The following SPOCD1 variants were observed in gnomAD, a reference collection of about 807,000 sequenced individuals.
The protein encoded by SPOCD1 is SPOC domain-containing protein 1.
Under a neutral mutation model 92.2 loss-of-function variants are expected in SPOCD1, and 64 were observed. That is an observed-to-expected ratio of 0.69 (90% CI 0.57 to 0.86). The LOEUF (loss-of-function observed/expected upper bound fraction) is 0.86. SPOCD1 is among the 40% of genes least tolerant of loss of function. The pLI is 0.00. For synonymous variants in SPOCD1, 578 were observed against 619.3 expected, an observed-to-expected ratio of 0.93 and a Z score of 0.99; for missense variants, 1,360 against 1,543.1, an observed-to-expected ratio of 0.88 and a Z score of 1.99.
rs2149107902 is a variant in SPOCD1, at chr1:31,801,668, C to G, written c.1421G>C (p.Cys474Ser). Reference protein sequence around the residue: ...VKIPHGVKLVCYLGSGPVIQL... With the variant: ...VKIPHGVKLVSYLGSGPVIQL... ...TAATAAAATGTAAAAACCTACGTAG[C>G]ACACAAGCTTCACTCCATGGGGTAT... The change falls in exon 3 of 16, where the codon TGC becomes TCC. Residue 474 changes from cysteine to serine, a missense_variant. Around this residue, in one of 3 missense-constraint regions of SPOCD1, gnomAD observed 606 missense variants for 601.5 expected, o/e 1.01. Coordinates refer to ENST00000360482, the MANE Select transcript of SPOCD1 (RefSeq NM_144569.7). The G allele has an allele frequency of 6.2e-7, 1 of 1,613,812 alleles. No homozygotes were observed. The highest frequency in any genetic ancestry group is 1.3e-5 in the African/African-American group (1 of 75,032).
chr1:31,815,334 G>A lies in SPOCD1; in HGVS notation c.-1C>T, dbSNP rs1649494352. 4 of 1,533,486 alleles carry A rather than the reference G, an allele frequency of 2.6e-6. No homozygotes were observed. The highest frequency in any genetic ancestry group is 2.8e-5 in the African/African-American group (2 of 72,470). 95.0% of individuals were successfully genotyped at this position (1,533,486 alleles called of 1,614,324 possible). A position where few individuals can be genotyped will look rare whatever the true frequency, so the allele number is the denominator to read the frequency against. On this transcript the variant is annotated 5_prime_UTR_variant, in exon 2 of 16. Transcript: ENST00000360482. ...CTTCTACGTCCCCCGCCTGGGACAT[G>A]TCTGTCCACCTACCTGGGCCAAAAG...
At chr1:31,802,353 G>GTA (rs1235146026) in intron 2 of SPOCD1, among the ~76,000 whole-genome samples, 1 of 152,138 alleles carries the variant, frequency 6.6e-6, no homozygotes, top group Non-Finnish European at 1.5e-5. Flanking sequence ...ACACCATGAG[G>GTA]TATATACTAT....
intron 15 of SPOCD1, 130 bp from the exon 16 acceptor site, chr1:31,791,421 G>A (rs1385964777): frequency 2.0e-5 from 14 of 711,862 alleles, no homozygotes; most frequent in Admixed American, 3.6e-5. Context: ...GGGCTGTCTC[G>A]GAAGATTTGA....
At chr1:31,795,344 CAT>C (rs1647929097) in intron 10 of SPOCD1, 1 of 152,252 alleles carries the variant, frequency 6.6e-6, no homozygotes, top group Non-Finnish European at 1.5e-5. Context: ...CCCCACTGCA[CAT>C]ATGTGACCTT....
At chr1:31,808,015 G>C (rs1382754346) in intron 2 of SPOCD1, among the ~76,000 whole-genome samples, 1 of 152,158 alleles carries the variant, frequency 6.6e-6, no homozygotes, top group Non-Finnish European at 1.5e-5. Context: ...CTTCCCTAAA[G>C]AGAACATCAG....
rs757344690 is a variant in SPOCD1 at position 31,814,193 on chromosome 1, C to T, written c.1141G>A (p.Ala381Thr). 8.3e-5 allele frequency: 130 copies of T among 1,569,540 alleles called. No homozygotes were observed. In the Middle Eastern group the frequency reaches 1.2e-3, roughly 15 times the overall value. ...ASRGRLEQGL[A>T]APADTCASSR... ...CTGGCACAGGTGTCAGCGGGGGCAG[C>T]GAGTCCTTGCTCCAGCCTTCCCCTG... The change falls in exon 2 of 16, where the codon GCT (alanine) becomes ACT (threonine). Residue 381 changes from alanine to threonine, a missense_variant. Ala to Thr is a moderately conservative substitution (Grantham distance 58, BLOSUM62 0). This residue lies in a region of SPOCD1 where 606 missense variants were observed against 601.5 expected (regional missense o/e 1.01). Transcript: ENST00000360482. The surrounding 1 kb of genome is among the most constrained non-coding windows in gnomAD (Gnocchi z 4.2).
Position 31,793,307 on chromosome 1 carries a change from C to T in SPOCD1, c.2656G>A (p.Val886Ile), listed in dbSNP as rs1330218020. 1 of 1,593,216 alleles carries T rather than the reference C, an allele frequency of 6.3e-7. No homozygotes were observed. The highest frequency in any genetic ancestry group is 2.3e-5 in the East Asian group (1 of 43,968). ...ACAAGCCGACAGCTGTGTCCCGAGA[C>T]CAGCTGGGCCCTGGCCCGGAACCGC... ...IKRFRARAQL[V>I]SGHSCRLVQA... Residue 886 changes from valine to isoleucine, a missense_variant, in exon 13 of 16, where the codon GTC becomes ATC. Around this residue, in one of 3 missense-constraint regions of SPOCD1, gnomAD observed 614 missense variants for 757.8 expected, o/e 0.81. Coordinates refer to ENST00000360482, the MANE Select transcript of SPOCD1 (RefSeq NM_144569.7).
chr1:31,793,410 G>T lies in SPOCD1; in HGVS notation c.2553C>A (p.Leu851=), dbSNP rs1647757168. Residue 851 remains leucine, a synonymous_variant, in exon 13 of 16, where the codon CTC becomes CTA. Coordinates refer to ENST00000360482, the MANE Select transcript of SPOCD1 (RefSeq NM_144569.7). ...EPQDRVPPSG[L]HVPAAPTKAL... Reference sequence around the variant, plus strand: ...CCTTTGTGGGTGCAGCAGGCACATGGAGCCCAGATGGAGGGACCCTAGAGG... The same window carrying T: ...CCTTTGTGGGTGCAGCAGGCACATGTAGCCCAGATGGAGGGACCCTAGAGG... 6.3e-7 allele frequency: 1 copy of T among 1,591,712 alleles called. No homozygotes were observed. The highest frequency in any genetic ancestry group is 1.3e-5 in the African/African-American group (1 of 74,502).
chr1:31,798,163 G>T lies in SPOCD1; in HGVS notation c.2145+44C>A. On this transcript the variant is annotated intron_variant, in intron 9 of 15. Transcript: ENST00000360482. This position sits in a 1 kb window ranked among gnomAD's most constrained non-coding sequence, Gnocchi z 4.1. ...CTTCCACTCTCAGGCCACCCACTCT[G>T]CCCCTACATCCCCTCACCCATCCCG... The T allele has an allele frequency of 6.9e-7, 1 of 1,443,738 alleles. No individual in the cohort carries two copies. The highest frequency in any genetic ancestry group is 9.8e-7 in the Non-Finnish European group (1 of 1,025,130). The allele number at this position is 1,443,738 out of a possible 1,614,324, so 89.4% of individuals were successfully genotyped here.
At chr1:31,804,473 G>T (rs568605924) in intron 2 of SPOCD1, among the ~76,000 whole-genome samples, 1 of 152,076 alleles carries the variant, frequency 6.6e-6, no homozygotes, top group African/African-American at 2.4e-5. Flanking sequence ...ATAATGAAAA[G>T]CAAAACATAA....
chr1:31,797,533 T>C (rs551376663), intron 9 of SPOCD1, among the ~76,000 whole-genome samples: 23 of 152,380 alleles, frequency 1.5e-4, no homozygotes, highest in Admixed American at 4.6e-4. Context: ...GCTCAGCCTA[T>C]AGTGGACAGA....
At chr1:31,796,559 T>C (rs750000196) in intron 10 of SPOCD1, 31 bp downstream of exon 10, 6 of 1,614,124 alleles carry the variant, frequency 3.7e-6, no homozygotes, top group Admixed American at 1.7e-5. Context: ...GCATGGGCTC[T>C]GCCCAGCACC....
intron 2 of SPOCD1, among the ~76,000 whole-genome samples, chr1:31,813,264 C>CT (rs372279377): frequency 1.4e-4 from 21 of 152,102 alleles, no homozygotes; most frequent in African/African-American, 4.3e-4. Context: ...TGCTAGGCAC[C>CT]TTTTTTTTGT....
In SPOCD1 at chr1:31,793,824, T is replaced by C. The variant is rs1253927669; in HGVS notation, c.2457A>G (p.Lys819=). The C allele has an allele frequency of 6.2e-7, 1 of 1,614,218 alleles. No individual in the cohort carries two copies. The change falls in exon 12 of 16, where the codon AAA becomes AAG. Residue 819 remains lysine (K), a synonymous_variant. Coordinates refer to ENST00000360482, the MANE Select transcript of SPOCD1 (RefSeq NM_144569.7). ...AKSCGDNIFQ[K]ALSQTPMPAP... ...CAGGCATAGGAGTTTGGCTTAGGGC[T>C]TTCTGGAAGATATTGTCCCCGCAGC...
intron 2 of SPOCD1, among the ~76,000 whole-genome samples, chr1:31,804,950 ATTTGTGC>A (rs1407959672): frequency 7.0e-6 from 1 of 143,800 alleles, no homozygotes; most frequent in Non-Finnish European, 1.5e-5. Context: ...TAAGTTAGTT[ATTTGTGC>A]TCAAATTTCT....
rs769986888 is a variant in SPOCD1 at position 31,790,972 on chromosome 1, C to T, written c.3282G>A (p.Gly1094=). ...AGTTTTCAGGCTCTGGCCAGAGCCT[C>T]CCCCTGCCTCTGGGGGGCCTCTGCC... ...SAWQRPPRGR[G]RLWPEPENWQ... The change falls in exon 16 of 16, where the codon GGG becomes GGA. Residue 1094 remains glycine, a synonymous_variant. Coordinates refer to ENST00000360482, the MANE Select transcript of SPOCD1 (RefSeq NM_144569.7). The T allele has an allele frequency of 2.5e-6, 4 of 1,576,950 alleles. No individual in the cohort carries two copies. Among genetic ancestry groups the T allele is most frequent in the Non-Finnish European group, 3.4e-6 (4 of 1,162,198 alleles).
chr1:31,803,235 CAT>C (rs1324807349), intron 2 of SPOCD1, among the ~76,000 whole-genome samples: 2 of 152,004 alleles, frequency 1.3e-5, no homozygotes, highest in East Asian at 1.9e-4. Flanking sequence ...GAGACGAACA[CAT>C]GAGTGAAGGA....
Position 31,791,064 on chromosome 1 carries a change from G to A in SPOCD1, c.3190C>T (p.Pro1064Ser), listed in dbSNP as rs1165208225. Reference sequence around the variant, plus strand: ...CTCTGCTGCCAGGCACCTCCTGGGGGAGGGGTGCCCTTCAGGGGCACATTC... The same window carrying A: ...CTCTGCTGCCAGGCACCTCCTGGGGAAGGGGTGCCCTTCAGGGGCACATTC... Reference protein sequence around the residue: ...RPNVPLKGTPPPGGAWQQSQG... With the variant: ...RPNVPLKGTPSPGGAWQQSQG... The change falls in exon 16 of 16, where the codon CCC becomes TCC. Residue 1064 changes from proline (P) to serine (S), a missense_variant. Around this residue, in one of 3 missense-constraint regions of SPOCD1, gnomAD observed 614 missense variants for 757.8 expected, o/e 0.81. Transcript: ENST00000360482. 1.9e-6 allele frequency: 3 copies of A among 1,613,026 alleles called. No homozygotes were observed. Among genetic ancestry groups the A allele is most frequent in the East Asian group, 2.2e-5 (1 of 44,872 alleles).
chr1:31,814,928 A>AAAG lies in SPOCD1; in HGVS notation c.403_405dup (p.Leu135dup). 6.2e-7 allele frequency: 1 copy of AAAG among 1,613,848 alleles called. No individual in the cohort carries two copies. The highest frequency in any genetic ancestry group is 1.1e-5 in the South Asian group (1 of 91,072). ...TCTGGGAGGCCAGCAGACCTGCTAC[A>AAAG]AAGTTTCCTGGGGCAACTGTCATCT... On this transcript the variant is annotated inframe_insertion, in exon 2 of 16. Coordinates refer to ENST00000360482, the MANE Select transcript of SPOCD1 (RefSeq NM_144569.7). This position sits in a 1 kb window ranked among gnomAD's most constrained non-coding sequence, Gnocchi z 4.2.
Sources: gnomAD v4.1 joint callset for allele counts (sites outside exome capture counted in the v4.1 genomes callset) on GRCh38, gnomAD v4.1.1 for gene constraint, gnomAD v4.1.1 regional missense constraint, Gnocchi (gnomAD v3.1) non-coding constraint, MANE v1.5 for transcripts, NCBI Gene and HGNC (gene_info 2026-07-23, HGNC 2026-07-21) for gene names.